CCDC171: variants seen among roughly 807,000 people sequenced by gnomAD.
CCDC171 encodes the protein coiled-coil domain-containing protein 171.
Under a neutral mutation model 168.2 loss-of-function variants are expected in CCDC171, and 177 were observed. The observed-to-expected ratio is 1.05, with a 90% CI of 0.93 to 1.19. The LOEUF is 1.19. CCDC171 is among the 50% of genes most tolerant of loss of function. The pLI is 0.00. For synonymous variants in CCDC171, 687 were observed against 540.8 expected (o/e 1.27, Z -3.75); for missense variants, 1,991 against 1,539.0 (o/e 1.29, Z -4.91).
At chr9:15,566,135 G>A (rs923546719) in intron 2 of CCDC171, among the ~76,000 whole-genome samples, 1 of 150,946 alleles carries the variant, frequency 6.6e-6, no homozygotes, top group Admixed American at 6.6e-5. Context: ...TGTGCTTTTT[G>A]GTAATTCATG....
intron 3 of CCDC171, among the ~76,000 whole-genome samples, chr9:15,998,342 G>T (rs562498617): frequency 6.6e-6 from 1 of 152,204 alleles, no homozygotes; most frequent in Non-Finnish European, 1.5e-5. Flanking sequence ...ACTTCTTCTG[G>T]GTTGTTCAAA....
chr9:16,059,576 G>C (rs1396747993), intron 1 of CCDC171, among the ~76,000 whole-genome samples: 1 of 137,228 alleles, frequency 7.3e-6, no homozygotes. Flanking sequence ...CTGCAGTGGC[G>C]CAATCTCGGC....
intron 24 of CCDC171, among the ~76,000 whole-genome samples, chr9:15,891,580 G>A (rs144921397): frequency 2.5e-4 from 38 of 152,238 alleles, no homozygotes; most frequent in African/African-American, 7.5e-4. Flanking sequence ...GATAGAAAGT[G>A]CCTTTATTAA....
chr9:15,828,269 GGAA>G (rs1473831292), intron 21 of CCDC171, among the ~76,000 whole-genome samples: 1 of 151,486 alleles, frequency 6.6e-6, no homozygotes, highest in African/African-American at 2.4e-5. Flanking sequence ...AAGCATGAAA[GGAA>G]GAGCAAACAA....
intron 22 of CCDC171, 69 bp downstream of exon 22, chr9:15,846,916 G>A (rs367904160): frequency 2.1e-6 from 3 of 1,411,478 alleles, no homozygotes; most frequent in Admixed American, 2.1e-5. Flanking sequence ...TCATGCTCCG[G>A]GTTTTAGCCC....
chr9:15,598,594 G>T (rs547613691), intron 6 of CCDC171, among the ~76,000 whole-genome samples: 2 of 152,170 alleles, frequency 1.3e-5, no homozygotes, highest in Admixed American at 6.6e-5. Flanking sequence ...TGGAATAGGT[G>T]TGGTGTGGTG....
At position 15,622,625 on chromosome 9, in the gene CCDC171, C is replaced by CTTTACTT. The variant is rs539370784; in HGVS notation, c.676-639_676-633dup. ...AGAATGCCTTTGATATTTGTGTTAA[C>CTTTACTT]TTTACTTTTGAACTTTTTCAATAAA... is the stretch of plus-strand genomic sequence containing the variant. On this transcript the variant is annotated intron_variant, in intron 6 of 25. Transcript: ENST00000380701. Among the ~76,000 whole-genome samples the CTTTACTT allele has an allele frequency of 1.5e-3, 232 of 152,260 alleles. 1 individual carries two copies. The highest frequency in any genetic ancestry group is 4.8e-3 in the African/African-American group (201 of 41,556).
intron 4 of CCDC171, among the ~76,000 whole-genome samples, chr9:15,583,543 G>C (rs1051725547): frequency 1.6e-4 from 25 of 152,164 alleles, no homozygotes; most frequent in African/African-American, 4.8e-4. Context: ...AGTAACTCAG[G>C]AATAGAAAAC....
chr9:15,949,491 A>G (rs1470428024), intron 25 of CCDC171, among the ~76,000 whole-genome samples: 1 of 152,166 alleles, frequency 6.6e-6, no homozygotes, highest in East Asian at 1.9e-4. Context: ...ATCCTCTTTT[A>G]TTTCATTGAG....
intron 10 of CCDC171, among the ~76,000 whole-genome samples, chr9:15,687,425 CT>C (rs2050475313): frequency 5.0e-5 from 1 of 19,894 alleles, no homozygotes; most frequent in Admixed American, 7.0e-4. Context: ...GACCCCGTCT[CT>C]TAAAAAAAAA....
At chr9:16,030,733 C>T (rs139476117) in intron 6 of CCDC171, among the ~76,000 whole-genome samples, 291 of 152,264 alleles carry the variant, frequency 1.9e-3, no homozygotes, top group African/African-American at 5.4e-3. Flanking sequence ...TCCCTTCCCG[C>T]GCTGTAGGGC....
At chr9:15,799,379 C>T (rs573755555) in intron 21 of CCDC171, among the ~76,000 whole-genome samples, 34 of 151,464 alleles carry the variant, frequency 2.2e-4, no homozygotes, top group African/African-American at 6.0e-4. Flanking sequence ...ACAAGAAATA[C>T]GTGTTCATTT....
chr9:15,577,551 G>C (rs770524), intron 3 of CCDC171, among the ~76,000 whole-genome samples: 78,885 of 152,012 alleles, frequency 0.52, 20,637 homozygotes, highest in East Asian at 0.73. Context: ...ATATTAGCCA[G>C]CCAATATTAT....
At chr9:16,102,488 T>TGGGGGGGGGGGGGGGGGGGGGG in the CCDC171 span, among the ~76,000 whole-genome samples, 1 of 50,088 alleles carries the variant, frequency 2.0e-5, no homozygotes, top group Non-Finnish European at 4.6e-5. Flanking sequence ...AAACGTGTGT[T>TGGGGGGGGGGGGGGGGGGGGGG]GGGGGGGGGC....
chr9:15,559,864 T>G (rs769692916), intron 1 of CCDC171, among the ~76,000 whole-genome samples: 1 of 152,158 alleles, frequency 6.6e-6, no homozygotes, highest in African/African-American at 2.4e-5. Flanking sequence ...TTGCAGTGGC[T>G]GGTACCGGTT....
intron 21 of CCDC171, among the ~76,000 whole-genome samples, chr9:15,818,469 A>C (rs977425924): frequency 8.5e-6 from 1 of 117,856 alleles, no homozygotes; most frequent in East Asian, 2.1e-4. Flanking sequence ...ACGAATGGCT[A>C]ACTAGAATAA....
rs1009710160 is a variant in CCDC171 at position 15,553,166 on chromosome 9, C to G, written c.-248C>G. ...CCTTTGCTGTTTGTCCCCCTCCTCC[C>G]GGGTCCTGGAGTCCGTCGTGTTCCA... is the stretch of plus-strand genomic sequence containing the variant. On this transcript the variant is annotated 5_prime_UTR_variant, in exon 1 of 26. Transcript: ENST00000380701. 1 of 152,674 alleles carries G rather than the reference C, an allele frequency of 6.5e-6. No individual in the cohort carries two copies. The highest frequency in any genetic ancestry group is 2.4e-5 in the African/African-American group (1 of 41,456). 9.5% of individuals were successfully genotyped at this position (152,674 alleles called of 1,614,324 possible). A position where few individuals can be genotyped will look rare whatever the true frequency, so the allele number is the denominator to read the frequency against.
intron 20 of CCDC171, 48 bp downstream of exon 20, chr9:15,779,198 C>G (rs1451955789): frequency 1.8e-6 from 2 of 1,109,588 alleles, no homozygotes; most frequent in Non-Finnish European, 2.4e-6. Flanking sequence ...ATATATATTT[C>G]TTTATCTCTA....
chr9:15,912,123 T>G lies in CCDC171; in HGVS notation c.3601-8147T>G, dbSNP rs1451851475. 2.0e-5 allele frequency among the ~76,000 whole-genome samples: 3 copies of G among 152,220 alleles called. No individual in the cohort carries two copies. In the South Asian group the frequency reaches 6.2e-4, roughly 32 times the overall value. On this transcript the variant is annotated intron_variant, in intron 24 of 25. Transcript: ENST00000380701. ...GGCTTGATGGCAATGGCATTGAATG[T>G]ATAAATTACTTTGGGCAGTATAGCC...
Sources: gnomAD v4.1 joint callset for allele counts (sites outside exome capture counted in the v4.1 genomes callset) on GRCh38, gnomAD v4.1.1 for gene constraint, MANE v1.5 for transcripts, NCBI Gene and HGNC (gene_info 2026-07-23, HGNC 2026-07-21) for gene names.